Variants in ZNRF1 observed in about 807,000 individuals in gnomAD.
ZNRF1 encodes the protein E3 ubiquitin-protein ligase ZNRF1.
ZNRF1 carries 3 observed loss-of-function variants against 18.4 expected under a neutral mutation model. That is an observed-to-expected ratio of 0.16 (90% CI 0.07 to 0.42). The LOEUF is 0.42. ZNRF1 is among the 10% of genes least tolerant of loss of function. The pLI is 0.99. For missense variants in ZNRF1, 310 were observed against 329.8 expected (o/e 0.94, Z 0.47); for synonymous variants, 157 against 144.2 (o/e 1.09, Z -0.64).
At chr16:75,048,441 G>C (rs576139440) in intron 1 of ZNRF1, among the ~76,000 whole-genome samples, 1 of 152,248 alleles carries the variant, frequency 6.6e-6, no homozygotes, top group African/African-American at 2.4e-5. Context: ...GAATAATGCT[G>C]GCTTGGCTCT....
chr16:75,100,283 G>A (rs1002121541), intron 2 of ZNRF1, among the ~76,000 whole-genome samples: 1 of 152,252 alleles, frequency 6.6e-6, no homozygotes, highest in African/African-American at 2.4e-5. Flanking sequence ...GCCTTGTGGA[G>A]TGGTGAGGAA....
At chr16:75,097,339 C>T (rs893108792) in intron 2 of ZNRF1, among the ~76,000 whole-genome samples, 19 of 151,952 alleles carry the variant, frequency 1.3e-4, no homozygotes, top group African/African-American at 4.6e-4. Flanking sequence ...GGTCCTCAGC[C>T]CAGGGAGAAT....
intron 1 of ZNRF1, among the ~76,000 whole-genome samples, chr16:75,023,410 G>T (rs374677556): frequency 6.6e-6 from 1 of 152,166 alleles, no homozygotes; most frequent in Non-Finnish European, 1.5e-5. Context: ...CAGGCCGGAC[G>T]CAGTGGCTCA....
At chr16:75,023,819 T>C (rs1359855973) in intron 1 of ZNRF1, among the ~76,000 whole-genome samples, 6 of 152,048 alleles carry the variant, frequency 3.9e-5, no homozygotes, top group African/African-American at 1.4e-4. Context: ...TTTACCTCAC[T>C]GTTTATTATG....
At chr16:75,023,092 C>A (rs1201934091) in intron 1 of ZNRF1, among the ~76,000 whole-genome samples, 1 of 152,162 alleles carries the variant, frequency 6.6e-6, no homozygotes, top group Admixed American at 6.5e-5. Context: ...TGATTTTATG[C>A]AGCTCTGTTT....
rs1265562755 is a variant in ZNRF1, at chr16:75,097,411, G to A, written c.520+3744G>A. 2.6e-5 allele frequency among the ~76,000 whole-genome samples: 4 copies of A among 152,250 alleles called. No homozygotes were observed. The East Asian group carries it at 7.7e-4, about 29-fold the overall frequency. ...GGAGAGCTCCCCTCAGCTGTGTTCT[G>A]GGGGAGCAGAAGCCCATGCTCAGCT... On this transcript the variant is annotated intron_variant, in intron 2 of 4. Transcript: ENST00000335325.
intron 1 of ZNRF1, among the ~76,000 whole-genome samples, chr16:75,087,346 C>CA (rs1200672076): frequency 1.3e-5 from 2 of 152,188 alleles, no homozygotes; most frequent in African/African-American, 2.4e-5. Context: ...TCACAGATGG[C>CA]AAGTGCAGAC....
chr16:75,012,708 G>C (rs746790511), intron 1 of ZNRF1, among the ~76,000 whole-genome samples: 23 of 152,162 alleles, frequency 1.5e-4, no homozygotes, highest in Non-Finnish European at 3.1e-4. Context: ...AGTTTTAGCT[G>C]TTTTCAACTT....
intron 1 of ZNRF1, among the ~76,000 whole-genome samples, chr16:75,027,822 C>G (rs1173783826): frequency 1.3e-5 from 2 of 152,216 alleles, no homozygotes; most frequent in Admixed American, 6.5e-5. Flanking sequence ...TAACCTTAAA[C>G]AGGCCCCTAA....
chr16:75,104,044 C>T (rs2036284363), intron 2 of ZNRF1: 1 of 152,266 alleles, frequency 6.6e-6, no homozygotes, highest in Non-Finnish European at 1.5e-5. Flanking sequence ...AGTCACTCCC[C>T]ATATCCCTCT....
At chr16:75,084,108 A>G (rs979568689) in intron 1 of ZNRF1, among the ~76,000 whole-genome samples, 10 of 152,244 alleles carry the variant, frequency 6.6e-5, no homozygotes, top group Admixed American at 5.2e-4. Flanking sequence ...GCAGTCAGGT[A>G]GAATGGCAGG....
At chr16:75,062,488 C>T (rs1676002694) in intron 1 of ZNRF1, among the ~76,000 whole-genome samples, 1 of 152,260 alleles carries the variant, frequency 6.6e-6, no homozygotes, top group Admixed American at 6.5e-5. Flanking sequence ...CAAATATGGA[C>T]TGTGTCTTTA....
intron 1 of ZNRF1, among the ~76,000 whole-genome samples, chr16:75,019,538 A>G (rs1432128596): frequency 6.6e-6 from 1 of 152,152 alleles, no homozygotes; most frequent in Non-Finnish European, 1.5e-5. Flanking sequence ...GTCAGTTTTC[A>G]TAAATATTTC....
Position 75,107,833 on chromosome 16 carries a change from TC to T in ZNRF1, c.*135del, listed in dbSNP as rs1270253670. On this transcript the variant is annotated 3_prime_UTR_variant, in exon 5 of 5. Coordinates refer to ENST00000335325, the MANE Select transcript of ZNRF1 (RefSeq NM_032268.5). ...ACAGGGCACCCCTTCTGCACTGACTTCCAGATCATGGTTCTCCCTTCCTCCC... is the reference window on the plus strand; with the variant it reads ...ACAGGGCACCCCTTCTGCACTGACTTCAGATCATGGTTCTCCCTTCCTCCC... 5 of 456,190 alleles carry T rather than the reference TC, an allele frequency of 1.1e-5. No individual in the cohort carries two copies. Among genetic ancestry groups the T allele is most frequent in the African/African-American group, 1.0e-4 (5 of 50,054 alleles). 28.3% of individuals were successfully genotyped at this position (456,190 alleles called of 1,614,324 possible).
intron 1 of ZNRF1, among the ~76,000 whole-genome samples, chr16:75,015,662 C>CA (rs2035056324): frequency 6.6e-6 from 1 of 152,184 alleles, no homozygotes; most frequent in African/African-American, 2.4e-5. Context: ...CCGCTTACTG[C>CA]AGCCTGAAAC....
chr16:75,062,303 G>GCC (rs1319846522), intron 1 of ZNRF1, among the ~76,000 whole-genome samples: 3 of 152,212 alleles, frequency 2.0e-5, no homozygotes, highest in Non-Finnish European at 4.4e-5. Context: ...GGCAGCAGAG[G>GCC]CCCGTGACCA....
At chr16:75,076,146 A>T (rs963933384) in intron 1 of ZNRF1, among the ~76,000 whole-genome samples, 1 of 152,204 alleles carries the variant, frequency 6.6e-6, no homozygotes, top group Non-Finnish European at 1.5e-5. Context: ...TCTTCTCCAT[A>T]CTAAAAGTAA....
intron 2 of ZNRF1, chr16:75,095,784 CCTGGG>C: frequency 6.8e-7 from 1 of 1,473,832 alleles, no homozygotes; most frequent in South Asian, 1.3e-5. Context: ...CAGAGAACTG[CCTGGG>C]ACGCCACCAT....
At chr16:75,000,116 G>C in intron 1 of ZNRF1, 21 bp downstream of exon 1, 1 of 1,588,734 alleles carries the variant, frequency 6.3e-7, no homozygotes, top group Non-Finnish European at 8.6e-7. Context: ...GGGTGGTGGA[G>C]GCCTCGGAGG....
Sources: allele counts gnomAD v4.1 joint callset (sites outside exome capture counted in the v4.1 genomes callset), GRCh38; gene constraint gnomAD v4.1.1; transcripts MANE v1.5; gene names NCBI Gene and HGNC (gene_info 2026-07-23, HGNC 2026-07-21).